MVB12B: variants seen among roughly 807,000 people sequenced by gnomAD.
MVB12B encodes ESCRT-I complex subunit MVB12B.
In MVB12B, 16 loss-of-function variants were observed where a neutral mutation model predicts 41.6. The ratio of observed to expected loss-of-function variants is 0.38; its 90% CI spans 0.26 to 0.58. The LOEUF (loss-of-function observed/expected upper bound fraction) is 0.58. Ranked by LOEUF, MVB12B falls within the 20% of genes least tolerant of loss-of-function variation. MVB12B has a pLI of 0.62. For synonymous variants in MVB12B, 133 were observed against 139.7 expected (o/e 0.95, Z 0.34); for missense variants, 274 against 380.2 (o/e 0.72, Z 2.32).
rs1834043658 is a variant in MVB12B at position 126,505,356 on chromosome 9, C to T, written c.*2093C>T. The T allele has an allele frequency of 6.6e-6, 1 of 152,180 alleles. No individual in the cohort carries two copies. The highest frequency in any genetic ancestry group is 1.5e-5 in the Non-Finnish European group (1 of 68,020). The allele number at this position is 152,180 out of a possible 1,614,324, so 9.4% of individuals were successfully genotyped here. Reference sequence around the variant, plus strand: ...AGCCCCCACTGATGCCGCTGCAGGCCCCTGTCGAGCTGGGGTCCCAGCCAG... The same window carrying T: ...AGCCCCCACTGATGCCGCTGCAGGCTCCTGTCGAGCTGGGGTCCCAGCCAG... On this transcript the variant is annotated 3_prime_UTR_variant, in exon 10 of 10. Transcript: ENST00000361171.
At chr9:126,420,002 T>C (rs1831955869) in intron 6 of MVB12B, among the ~76,000 whole-genome samples, 1 of 152,198 alleles carries the variant, frequency 6.6e-6, no homozygotes, top group Non-Finnish European at 1.5e-5. Context: ...CATTTCTAGC[T>C]CTGCTTCCGA....
intron 9 of MVB12B, among the ~76,000 whole-genome samples, chr9:126,495,958 G>A (rs1833819291): frequency 6.6e-6 from 1 of 152,078 alleles, no homozygotes; most frequent in Non-Finnish European, 1.5e-5. Context: ...TGGGCCCTGG[G>A]CTTGGTACTT....
intron 9 of MVB12B, among the ~76,000 whole-genome samples, chr9:126,496,432 ACCCACTCC>A (rs1031665958): frequency 4.2e-5 from 5 of 117,846 alleles, no homozygotes; most frequent in Non-Finnish European, 8.8e-5. Context: ...TCATCTACTC[ACCCACTCC>A]CCCACCCACC....
chr9:126,356,870 T>A (rs1268639481), intron 2 of MVB12B, among the ~76,000 whole-genome samples: 1 of 152,004 alleles, frequency 6.6e-6, no homozygotes, highest in Non-Finnish European at 1.5e-5. Flanking sequence ...CCTTCCTCCA[T>A]GAGTAAAAGC....
chr9:126,418,392 TC>T (rs1459788761), intron 6 of MVB12B, among the ~76,000 whole-genome samples: 1 of 152,158 alleles, frequency 6.6e-6, no homozygotes, highest in Admixed American at 6.5e-5. Flanking sequence ...TTCTTTTAAG[TC>T]CTAAATTTCC....
intron 7 of MVB12B, among the ~76,000 whole-genome samples, chr9:126,464,409 G>C (rs1284338058): frequency 6.6e-6 from 1 of 152,164 alleles, no homozygotes; most frequent in Non-Finnish European, 1.5e-5. Context: ...GCAGGGAGGA[G>C]AGAGCAGCTA....
intron 8 of MVB12B, among the ~76,000 whole-genome samples, chr9:126,482,098 G>A (rs1456143463): frequency 6.6e-6 from 1 of 152,222 alleles, no homozygotes; most frequent in Non-Finnish European, 1.5e-5. Flanking sequence ...ACTTCAGACT[G>A]TGAGGGGCGG....
chr9:126,449,281 C>T (rs1417249109), intron 7 of MVB12B, among the ~76,000 whole-genome samples: 4 of 152,148 alleles, frequency 2.6e-5, no homozygotes, highest in African/African-American at 7.2e-5. Flanking sequence ...CTGCAGAAGT[C>T]GGATGTGCTG....
In MVB12B at chr9:126,333,108, A is replaced by G. The variant is rs1829173170; in HGVS notation, c.81+6098A>G. ...GTGTTTTGTTTTGTTTTTTTTTGAG[A>G]CAGACTCTCACTCTGTCACCCAGGC... On this transcript the variant is annotated intron_variant, in intron 1 of 9. Transcript: ENST00000361171. This position sits in a 1 kb window ranked among gnomAD's most constrained non-coding sequence, Gnocchi z 4.7. Among the ~76,000 whole-genome samples the G allele has an allele frequency of 6.6e-6, 1 of 151,916 alleles. No individual in the cohort carries two copies.
At chr9:126,349,905 A>G (rs1448562682) in intron 2 of MVB12B, among the ~76,000 whole-genome samples, 1 of 152,234 alleles carries the variant, frequency 6.6e-6, no homozygotes, top group East Asian at 1.9e-4. Context: ...TGGTAGTTGC[A>G]TGTTTAGTTT....
intron 7 of MVB12B, among the ~76,000 whole-genome samples, chr9:126,444,590 A>G (rs998965928): frequency 6.6e-6 from 1 of 152,058 alleles, no homozygotes; most frequent in Non-Finnish European, 1.5e-5. Context: ...TTTTGCTCTC[A>G]CATTACTACC....
At chr9:126,368,524 A>G (rs1830244877) in intron 2 of MVB12B, among the ~76,000 whole-genome samples, 1 of 152,194 alleles carries the variant, frequency 6.6e-6, no homozygotes, top group South Asian at 2.1e-4. Flanking sequence ...TGTCTTTAAA[A>G]TTTTTTAAAA....
intron 9 of MVB12B, among the ~76,000 whole-genome samples, chr9:126,487,741 TG>T (rs1833649256): frequency 7.2e-6 from 1 of 139,558 alleles, no homozygotes; most frequent in Non-Finnish European, 1.5e-5. Flanking sequence ...CATTCCGGCC[TG>T]GGCCACAGGG....
chr9:126,339,082 G>T (rs1474369246), intron 1 of MVB12B, among the ~76,000 whole-genome samples: 1 of 152,206 alleles, frequency 6.6e-6, no homozygotes, highest in African/African-American at 2.4e-5. Flanking sequence ...GGAGACTGCA[G>T]CTGTGCCAGG....
At chr9:126,454,222 A>G (rs1024202392) in intron 7 of MVB12B, among the ~76,000 whole-genome samples, 4 of 152,256 alleles carry the variant, frequency 2.6e-5, no homozygotes, top group Non-Finnish European at 5.9e-5. Flanking sequence ...TGAAAGGAGA[A>G]GTTTGGCTGT....
chr9:126,384,203 C>T (rs1312242219), intron 3 of MVB12B, among the ~76,000 whole-genome samples: 4 of 152,248 alleles, frequency 2.6e-5, no homozygotes, highest in Admixed American at 1.3e-4. Context: ...AGATTTATTC[C>T]GTGTTCTGAG....
chr9:126,373,247 C>G (rs1588117226), intron 2 of MVB12B, among the ~76,000 whole-genome samples: 1 of 152,244 alleles, frequency 6.6e-6, no homozygotes, highest in Non-Finnish European at 1.5e-5. Flanking sequence ...TCAAATGCCT[C>G]TTCCTTTCAC....
At chr9:126,396,525 G>A (rs894828225) in intron 6 of MVB12B, 35 of 985,486 alleles carry the variant, frequency 3.6e-5, no homozygotes, top group South Asian at 1.4e-4. Context: ...GTCAGGAACC[G>A]GACAGAAGAG....
At chr9:126,461,564 A>G (rs1833090157) in intron 7 of MVB12B, among the ~76,000 whole-genome samples, 1 of 152,204 alleles carries the variant, frequency 6.6e-6, no homozygotes, top group Non-Finnish European at 1.5e-5. Context: ...TGACAGCAAT[A>G]TCTTTAACGT....
Sources: gnomAD v4.1 joint callset for allele counts (sites outside exome capture counted in the v4.1 genomes callset) on GRCh38, gnomAD v4.1.1 for gene constraint, Gnocchi (gnomAD v3.1) non-coding constraint, MANE v1.5 for transcripts, NCBI Gene and HGNC (gene_info 2026-07-23, HGNC 2026-07-21) for gene names.